The following CARM1 variants were observed in gnomAD, a reference collection of about 807,000 sequenced individuals.
CARM1 encodes the protein histone-arginine methyltransferase CARM1.
In CARM1, 14 loss-of-function variants were observed where a neutral mutation model predicts 72.7. The observed-to-expected ratio is 0.19, with a 90% CI of 0.13 to 0.30. CARM1 has a LOEUF of 0.30. Among genes scored for constraint, CARM1 ranks in the 10% least tolerant of loss-of-function variants. The probability of loss-of-function intolerance (pLI) is 1.00; values close to 1 mark genes in which losing one functional copy is unlikely to be tolerated. For missense variants in CARM1, 432 were observed against 833.7 expected (o/e 0.52, Z 5.93); for synonymous variants, 333 against 345.5 (o/e 0.96, Z 0.40).
Position 10,879,716 on chromosome 19 carries a change from T to G in CARM1, c.220+7794T>G, listed in dbSNP as rs138617909. On this transcript the variant is annotated intron_variant, in intron 1 of 15. Coordinates refer to ENST00000327064, the MANE Select transcript of CARM1 (RefSeq NM_199141.2). ...CAACCTCTAGCCTCCCAGGTTCAAG[T>G]CATTCTCCTGCATCAGACTCCCAAG... Among the ~76,000 whole-genome samples, 525 of 152,198 alleles carry G rather than the reference T, an allele frequency of 3.4e-3. 4 individuals are homozygous for G. Among genetic ancestry groups the G allele is most frequent in the Admixed American group, 5.0e-3 (77 of 15,278 alleles).
Position 10,905,072 on chromosome 19 carries a change from C to T in CARM1, c.342C>T (p.Pro114=). The change falls in exon 2 of 16, where the codon CCC becomes CCT. Residue 114 remains proline (P), a synonymous_variant. Transcript: ENST00000327064. The stretch of plus-strand genomic sequence containing the variant: ...GCGTCCTCATCCAGTTCGCCACACC[C>T]AACGGTACGTGGCCCTCCTTCCATT... The part of the protein sequence containing the change: ...CNSVLIQFAT[P]NDFCSFYNIL... The T allele has an allele frequency of 6.2e-7, 1 of 1,613,692 alleles. No individual in the cohort carries two copies. The highest frequency in any genetic ancestry group is 8.5e-7 in the Non-Finnish European group (1 of 1,179,942).
At chr19:10,876,214 T>C (rs1021841802) in intron 1 of CARM1, among the ~76,000 whole-genome samples, 8 of 152,168 alleles carry the variant, frequency 5.3e-5, no homozygotes, top group Non-Finnish European at 1.2e-4. Flanking sequence ...CTTCTAGCGA[T>C]GCGGTCTCAC....
intron 1 of CARM1, among the ~76,000 whole-genome samples, chr19:10,893,361 CAG>C (rs777115246): frequency 6.6e-6 from 1 of 151,496 alleles, no homozygotes; most frequent in Admixed American, 6.6e-5. Flanking sequence ...CATTTTGAGA[CAG>C]AGTCTTACTC....
intron 1 of CARM1, among the ~76,000 whole-genome samples, chr19:10,894,868 A>G (rs1174003424): frequency 6.6e-6 from 1 of 151,122 alleles, no homozygotes; most frequent in East Asian, 2.0e-4. Context: ...AACTTCCCAC[A>G]TGGTTGGGAC....
At chr19:10,873,420 C>T (rs1377748771) in intron 1 of CARM1, among the ~76,000 whole-genome samples, 1 of 151,470 alleles carries the variant, frequency 6.6e-6, no homozygotes, top group Non-Finnish European at 1.5e-5. Context: ...ATGGTGAAAC[C>T]CCGTCTCTAC....
intron 1 of CARM1, among the ~76,000 whole-genome samples, chr19:10,872,685 G>A (rs959101565): frequency 4.6e-5 from 7 of 152,224 alleles, no homozygotes; most frequent in African/African-American, 1.7e-4. Context: ...ACATTTCACT[G>A]GGGGGAAAAG....
chr19:10,901,834 A>AG (rs1170834280), intron 1 of CARM1, among the ~76,000 whole-genome samples: 2 of 152,158 alleles, frequency 1.3e-5, no homozygotes, highest in Non-Finnish European at 2.9e-5. Context: ...CCAGCTACTC[A>AG]GGAGGCTGAG....
chr19:10,916,325 G>A lies in CARM1; in HGVS notation c.848-82G>A. Reference sequence around the variant, plus strand: ...AGGCTGGGAGCACCCAGGGTTGGGGGTCTTGGGGTCCTTTGGAAGCTCTGC... The same window carrying A: ...AGGCTGGGAGCACCCAGGGTTGGGGATCTTGGGGTCCTTTGGAAGCTCTGC... On this transcript the variant is annotated intron_variant, in intron 6 of 15. Coordinates refer to ENST00000327064, the MANE Select transcript of CARM1 (RefSeq NM_199141.2). The surrounding 1 kb of genome is among the most constrained non-coding windows in gnomAD (Gnocchi z 4.4). 2 of 920,794 alleles carry A rather than the reference G, an allele frequency of 2.2e-6. No individual in the cohort carries two copies. The highest frequency in any genetic ancestry group is 3.5e-6 in the Non-Finnish European group (2 of 565,524). 57.0% of individuals were successfully genotyped at this position (920,794 alleles called of 1,614,324 possible).
chr19:10,914,329 G>A (rs1406154486), intron 6 of CARM1, among the ~76,000 whole-genome samples: 1 of 152,236 alleles, frequency 6.6e-6, no homozygotes, highest in Admixed American at 6.5e-5. Context: ...TCCTGCTCCT[G>A]CGGGACAGCC....
rs1470726986 is a variant in CARM1 at position 10,885,993 on chromosome 19, C to A, written c.220+14071C>A. On this transcript the variant is annotated intron_variant, in intron 1 of 15. Transcript: ENST00000327064. ...GGTTCAGTTCATGCTCCTGCCTCAG[C>A]CTCCCGAGTAGCTGGGACGGCAGGT... 2.0e-5 allele frequency among the ~76,000 whole-genome samples: 3 copies of A among 151,482 alleles called. No homozygotes were observed. In the East Asian group the frequency reaches 5.8e-4, roughly 29 times the overall value.
At position 10,896,155 on chromosome 19, in the gene CARM1, T is replaced by C. The variant is rs575075556; in HGVS notation, c.221-8796T>C. On this transcript the variant is annotated intron_variant, in intron 1 of 15. Coordinates refer to ENST00000327064, the MANE Select transcript of CARM1 (RefSeq NM_199141.2). This position sits in a 1 kb window ranked among gnomAD's most constrained non-coding sequence, Gnocchi z 5.2. ...ACTGGGAGGTGACTGAGGCATGGTA[T>C]GTCGCCCGGCACCATCTGCTCAGTG... Among the ~76,000 whole-genome samples the C allele has an allele frequency of 2.6e-5, 4 of 152,122 alleles. No homozygotes were observed. Among genetic ancestry groups the C allele is most frequent in the African/African-American group, 9.6e-5 (4 of 41,476 alleles).
intron 1 of CARM1, among the ~76,000 whole-genome samples, chr19:10,884,019 T>TTG (rs1453576134): frequency 6.8e-6 from 1 of 146,004 alleles, no homozygotes; most frequent in Non-Finnish European, 1.5e-5. Context: ...CTCTGTTTTT[T>TTG]TTTTTTTTTT....
chr19:10,913,333 C>T (rs543862931), intron 5 of CARM1, among the ~76,000 whole-genome samples: 4 of 151,956 alleles, frequency 2.6e-5, no homozygotes, highest in East Asian at 1.9e-4. Flanking sequence ...CTTAGGTGGG[C>T]GGATCACCTG....
Position 10,920,753 on chromosome 19 carries a change from G to A in CARM1, c.1424+5G>A. The A allele has an allele frequency of 6.2e-7, 1 of 1,614,028 alleles. No homozygotes were observed. Among genetic ancestry groups the A allele is most frequent in the Middle Eastern group, 1.7e-4 (1 of 6,060 alleles). ...TCTGAAAAACCCCTTCTTTAGGTAG[G>A]AGGGGCCCCTTGCCTGCACAGGGGG... On this transcript the variant is annotated splice_donor_5th_base_variant and intron_variant, in intron 12 of 15. Transcript: ENST00000327064. This position sits in a 1 kb window ranked among gnomAD's most constrained non-coding sequence, Gnocchi z 5.3.
intron 1 of CARM1, among the ~76,000 whole-genome samples, chr19:10,876,337 A>G (rs1541596): frequency 0.58 from 87,580 of 152,166 alleles, 26,022 homozygotes; most frequent in East Asian, 0.75. Context: ...ATAAATATTT[A>G]TGTCCATGTT....
intron 1 of CARM1, among the ~76,000 whole-genome samples, chr19:10,882,823 A>C (rs989653797): frequency 6.6e-6 from 1 of 152,174 alleles, no homozygotes; most frequent in East Asian, 1.9e-4. Flanking sequence ...GATTGCAGAC[A>C]TGAGCCACCG....
intron 8 of CARM1, chr19:10,919,353 G>T (rs912430293): frequency 5.9e-6 from 3 of 506,040 alleles, no homozygotes; most frequent in African/African-American, 5.8e-5. Context: ...GTATCTGGAG[G>T]TTAAACTCCT....
chr19:10,909,860 C>T (rs2074134973), intron 4 of CARM1, among the ~76,000 whole-genome samples: 1 of 151,982 alleles, frequency 6.6e-6, no homozygotes, highest in Non-Finnish European at 1.5e-5. Flanking sequence ...TCCAAGATAG[C>T]CGCTACCCCT....
chr19:10,873,098 G>A (rs918778506), intron 1 of CARM1, among the ~76,000 whole-genome samples: 47 of 152,100 alleles, frequency 3.1e-4, no homozygotes, highest in Non-Finnish European at 5.9e-5. Context: ...GGGAAGGAGG[G>A]TATTTCAGCG....
Sources: gnomAD v4.1 joint callset for allele counts (sites outside exome capture counted in the v4.1 genomes callset) on GRCh38, gnomAD v4.1.1 for gene constraint, Gnocchi (gnomAD v3.1) non-coding constraint, MANE v1.5 for transcripts, NCBI Gene and HGNC (gene_info 2026-07-23, HGNC 2026-07-21) for gene names.